Variants in VPS8 observed in about 807,000 individuals in gnomAD.
VPS8 encodes VPS8 subunit of CORVET complex, also known as vacuolar protein sorting-associated protein 8 homolog.
Under a neutral mutation model 216.4 loss-of-function variants are expected in VPS8, and 129 were observed. That is an observed-to-expected ratio of 0.60 (90% CI 0.52 to 0.69). VPS8 has a LOEUF of 0.69. Among genes scored for constraint, VPS8 ranks in the 30% least tolerant of loss-of-function variants. VPS8 has a pLI of 0.00. For synonymous variants in VPS8, 571 were observed against 565.4 expected, an observed-to-expected ratio of 1.01 and a Z score of -0.14; for missense variants, 1,531 against 1,683.5, an observed-to-expected ratio of 0.91 and a Z score of 1.59.
At chr3:185,047,870 TTC>T (rs561904654) in intron 46 of VPS8, among the ~76,000 whole-genome samples, 12 of 152,246 alleles carry the variant, frequency 7.9e-5, no homozygotes, top group Middle Eastern at 6.8e-3. Flanking sequence ...ATCCCATTTC[TTC>T]TCTCTGCATA....
chr3:184,971,410 A>G (rs569580679), intron 39 of VPS8, among the ~76,000 whole-genome samples: 89 of 152,354 alleles, frequency 5.8e-4, no homozygotes, highest in African/African-American at 2.0e-3. Context: ...TAGCATATTG[A>G]AATGCTAAGT....
intron 44 of VPS8, among the ~76,000 whole-genome samples, chr3:184,997,590 G>A (rs1297023666): frequency 6.6e-6 from 1 of 152,186 alleles, no homozygotes; most frequent in African/African-American, 2.4e-5. Context: ...GATACAGGAT[G>A]AACAAAACAA....
intron 45 of VPS8, among the ~76,000 whole-genome samples, chr3:185,007,703 T>G (rs1754454505): frequency 1.3e-5 from 2 of 152,174 alleles, no homozygotes; most frequent in Non-Finnish European, 2.9e-5. Flanking sequence ...CCAACTGAGT[T>G]TTTCCCCACT....
chr3:184,983,123 T>C, intron 42 of VPS8, 29 bp downstream of exon 42: 1 of 1,532,156 alleles, frequency 6.5e-7, no homozygotes, highest in Non-Finnish European at 8.8e-7. Context: ...ATATTAAATA[T>C]TGATTTCAAC....
intron 44 of VPS8, 71 bp downstream of exon 44, chr3:184,996,572 A>C (rs775874341): frequency 6.7e-7 from 1 of 1,495,426 alleles, no homozygotes; most frequent in South Asian, 1.3e-5. Flanking sequence ...AAGAATCCAC[A>C]TGGATACACG....
At chr3:184,862,776 T>A (rs930294648) in intron 15 of VPS8, 121 bp from the exon 16 acceptor site, 3 of 1,003,690 alleles carry the variant, frequency 3.0e-6, no homozygotes, top group South Asian at 1.7e-5. Context: ...TGTTGCCATG[T>A]AAATTGTTAA....
In VPS8 at chr3:185,039,511, C is replaced by T. The variant is rs371556733; in HGVS notation, c.4057-8968C>T. On this transcript the variant is annotated intron_variant, in intron 46 of 47. Coordinates refer to ENST00000625842, the MANE Select transcript of VPS8 (RefSeq NM_001009921.3). ...GCTAGCCTGATACGTTAGAAGCCAACGCTATGACACTGTGGGGTTTTTTTT... is the reference window on the plus strand; with the variant it reads ...GCTAGCCTGATACGTTAGAAGCCAATGCTATGACACTGTGGGGTTTTTTTT... Among the ~76,000 whole-genome samples, 25 of 151,040 alleles carry T rather than the reference C, an allele frequency of 1.7e-4. No individual in the cohort carries two copies. In the East Asian group the frequency reaches 2.2e-3, roughly 13 times the overall value.
intron 16 of VPS8, among the ~76,000 whole-genome samples, chr3:184,865,160 A>G (rs1727102017): frequency 6.6e-6 from 1 of 152,222 alleles, no homozygotes. Context: ...AAGAAATAGT[A>G]TTAGTGAACT....
chr3:184,974,183 TCC>T (rs1748884669), intron 40 of VPS8, among the ~76,000 whole-genome samples: 1 of 152,158 alleles, frequency 6.6e-6, no homozygotes. Flanking sequence ...TACAAGGCTT[TCC>T]TTTTCTCCAC....
chr3:184,940,286 A>G, intron 36 of VPS8, 43 bp downstream of exon 36: 1 of 803,590 alleles, frequency 1.2e-6, no homozygotes, highest in African/African-American at 1.8e-5. Flanking sequence ...ATATATATAT[A>G]TATGAGAAAT....
intron 45 of VPS8, among the ~76,000 whole-genome samples, chr3:185,018,370 A>AT (rs979166705): frequency 5.3e-5 from 8 of 152,104 alleles, no homozygotes; most frequent in Non-Finnish European, 8.8e-5. Context: ...ACCTGAAGTG[A>AT]TTTTTTCCCA....
At chr3:184,829,841 A>G (rs773673566) in intron 3 of VPS8, among the ~76,000 whole-genome samples, 1 of 152,196 alleles carries the variant, frequency 6.6e-6, no homozygotes, top group Non-Finnish European at 1.5e-5. Context: ...GCCTTTTCAT[A>G]TAATTAGCCC....
chr3:184,927,141 T>C (rs1324850137), intron 31 of VPS8, among the ~76,000 whole-genome samples: 1 of 152,200 alleles, frequency 6.6e-6, no homozygotes, highest in Non-Finnish European at 1.5e-5. Context: ...ACTGTTTGAG[T>C]ACCACTTCTT....
At chr3:184,912,617 A>T (rs543810433) in intron 25 of VPS8, among the ~76,000 whole-genome samples, 1 of 152,262 alleles carries the variant, frequency 6.6e-6, no homozygotes, top group African/African-American at 2.4e-5. Context: ...TTGTTATGCC[A>T]TGCAGGTGGT....
chr3:184,899,149 A>G (rs910416016), intron 24 of VPS8, among the ~76,000 whole-genome samples: 10 of 152,166 alleles, frequency 6.6e-5, no homozygotes, highest in African/African-American at 1.9e-4. Flanking sequence ...CATTCATTCT[A>G]ATTTTTTATT....
At chr3:184,924,621 A>G (rs1346833970) in intron 29 of VPS8, among the ~76,000 whole-genome samples, 2 of 152,144 alleles carry the variant, frequency 1.3e-5, no homozygotes. Context: ...CTCTTTATCA[A>G]TTCAGGTCTC....
intron 25 of VPS8, among the ~76,000 whole-genome samples, chr3:184,908,340 G>C (rs1735862398): frequency 6.6e-6 from 1 of 152,198 alleles, no homozygotes; most frequent in Non-Finnish European, 1.5e-5. Context: ...CTGTCTTCTT[G>C]GCCTGCTGCG....
intron 45 of VPS8, among the ~76,000 whole-genome samples, chr3:185,022,614 T>C (rs1756817819): frequency 6.6e-6 from 1 of 152,230 alleles, no homozygotes; most frequent in African/African-American, 2.4e-5. Context: ...TTATCATCTT[T>C]TAAATACCTG....
In VPS8 at chr3:184,830,267, T is replaced by C. The variant is rs1719711697; in HGVS notation, c.223-2422T>C. 1.3e-5 allele frequency among the ~76,000 whole-genome samples: 2 copies of C among 152,308 alleles called. 1 individual carries two copies. The highest frequency in any genetic ancestry group is 3.9e-4 in the East Asian group (2 of 5,190). ...TATAAATCAGGTAATCATATAGGTGTGGATCTGAGTCCATTGGTGTGTCCA... is the reference window on the plus strand; with the variant it reads ...TATAAATCAGGTAATCATATAGGTGCGGATCTGAGTCCATTGGTGTGTCCA... On this transcript the variant is annotated intron_variant, in intron 3 of 47. Transcript: ENST00000625842.
Sources: gnomAD v4.1 joint callset for allele counts (sites outside exome capture counted in the v4.1 genomes callset) on GRCh38, gnomAD v4.1.1 for gene constraint, MANE v1.5 for transcripts, NCBI Gene and HGNC (gene_info 2026-07-23, HGNC 2026-07-21) for gene names.